MEPE: variants seen among roughly 807,000 people sequenced by gnomAD.
MEPE encodes matrix extracellular phosphoglycoprotein, also known as matrix, extracellular phosphoglycoprotein with ASARM motif (bone).
In MEPE, 7 loss-of-function variants were observed where a neutral mutation model predicts 7.3. The observed-to-expected ratio is 0.95, with a 90% CI of 0.54 to 1.79. The LOEUF (loss-of-function observed/expected upper bound fraction) is 1.79, where lower values mean the gene tolerates loss of function less well. Among genes scored for constraint, MEPE ranks in the 40% most tolerant of loss-of-function variants. MEPE has a pLI of 0.00. For synonymous variants in MEPE, 214 were observed against 213.1 expected (o/e 1.00, Z -0.04); for missense variants, 623 against 628.2 (o/e 0.99, Z 0.09).
At chr4:87,828,135 T>C (rs1578051781), upstream of MEPE, among the ~76,000 whole-genome samples, 1 of 152,214 alleles carries the variant, frequency 6.6e-6, no homozygotes, top group South Asian at 2.1e-4. Context: ...TAAATACTTC[T>C]ATGAAATGCC....
At chr4:87,829,146 G>A (rs1483862245), upstream of MEPE, among the ~76,000 whole-genome samples, 1 of 152,038 alleles carries the variant, frequency 6.6e-6, no homozygotes, top group African/African-American at 2.4e-5. Flanking sequence ...TTAGGCAAAG[G>A]ATCATTCTCC....
At chr4:87,826,801 G>C (rs1054344591) in intron 1 of MEPE, among the ~76,000 whole-genome samples, 1 of 152,090 alleles carries the variant, frequency 6.6e-6, no homozygotes, top group Non-Finnish European at 1.5e-5. Flanking sequence ...CTTTTCTAAA[G>C]TGTCTAATTA....
At chr4:87,825,187 T>A (rs2109987832) in intron 1 of MEPE, among the ~76,000 whole-genome samples, 1 of 152,330 alleles carries the variant, frequency 6.6e-6, no homozygotes, top group African/African-American at 2.4e-5. Context: ...GGTAACTTTT[T>A]CACTATACTG....
In MEPE at chr4:87,838,681, A is replaced by G; in HGVS notation, c.104A>G (p.Gln35Arg). 1.9e-6 allele frequency: 3 copies of G among 1,613,138 alleles called. No individual in the cohort carries two copies. Among genetic ancestry groups the G allele is most frequent in the Non-Finnish European group, 2.5e-6 (3 of 1,179,260 alleles). The part of the protein sequence containing the change: ...EKTKQSCVEE[Q>R]RQEEKNKDNI... ...ACTAAGCAAAGCTGTGTGGAAGAGC[A>G]GAGGGTAAACAGAATTCATCTTTTC... The change falls in exon 3 of 4, where the codon CAG becomes CGG. Residue 35 changes from glutamine (Q) to arginine (R), a missense_variant. Coordinates refer to ENST00000361056, the MANE Select transcript of MEPE (RefSeq NM_020203.6).
intron 1 of MEPE, among the ~76,000 whole-genome samples, chr4:87,827,662 G>A (rs1016254814): frequency 1.3e-5 from 2 of 152,200 alleles, no homozygotes; most frequent in African/African-American, 4.8e-5. Flanking sequence ...GAAAGGGCTA[G>A]CATCATTATA....
Position 87,845,438 on chromosome 4 carries a change from C to T in MEPE, c.570C>T (p.His190=). Residue 190 remains histidine, a synonymous_variant, in exon 4 of 4, where the codon CAC becomes CAT. Coordinates refer to ENST00000361056, the MANE Select transcript of MEPE (RefSeq NM_020203.6). The part of the protein sequence containing the change: ...IPASMNYAKA[H]SKDKKKPQRD... ...CAAGTATGAATTATGCTAAAGCACA[C>T]TCGAAGGATAAAAAGAAGCCTCAAA... 2 of 1,613,936 alleles carry T rather than the reference C, an allele frequency of 1.2e-6. No individual in the cohort carries two copies. Among genetic ancestry groups the T allele is most frequent in the South Asian group, 1.1e-5 (1 of 91,080 alleles).
chr4:87,822,107 T>C (rs1048626174), intron 1 of MEPE, among the ~76,000 whole-genome samples: 16 of 152,320 alleles, frequency 1.1e-4, no homozygotes, highest in Admixed American at 1.3e-4. Flanking sequence ...CTCACCCGAC[T>C]TTCCCGCCAA....
Position 87,839,993 on chromosome 4 carries a change from C to T in MEPE, c.108+1308C>T, listed in dbSNP as rs549240621. 255 of 1,535,488 alleles carry T rather than the reference C, an allele frequency of 1.7e-4. 1 individual carries two copies. In the African/African-American group the frequency reaches 1.7e-3, roughly 10 times the overall value. The stretch of plus-strand genomic sequence containing the variant: ...TCTTCCTGATCCCCATCCCATGCCT[C>T]GGCCCACATCTCGCTCTGCTTCAGG... On this transcript the variant is annotated intron_variant, in intron 3 of 3. Coordinates refer to ENST00000361056, the MANE Select transcript of MEPE (RefSeq NM_020203.6).
intron 2 of MEPE, among the ~76,000 whole-genome samples, chr4:87,836,950 T>C (rs994751251): frequency 8.5e-5 from 13 of 152,234 alleles, no homozygotes; most frequent in African/African-American, 2.9e-4. Flanking sequence ...TGATAAACTA[T>C]TGTTATTTTC....
rs757300640 is a variant in MEPE, at chr4:87,845,039, G to A, written c.171G>A (p.Glu57=). Residue 57 remains glutamate (E), a synonymous_variant, in exon 4 of 4, where the codon GAG becomes GAA. Coordinates refer to ENST00000361056, the MANE Select transcript of MEPE (RefSeq NM_020203.6). Reference sequence around the variant, plus strand: ...ATTTGGGCAAGAGAATAAATCAAGAGCTATCATCTAAAGAAAATATTGTCC... The same window carrying A: ...ATTTGGGCAAGAGAATAAATCAAGAACTATCATCTAAAGAAAATATTGTCC... ...FHHLGKRINQ[E]LSSKENIVQE... 8 of 1,610,810 alleles carry A rather than the reference G, an allele frequency of 5.0e-6. No individual in the cohort carries two copies. The highest frequency in any genetic ancestry group is 5.1e-6 in the Non-Finnish European group (6 of 1,178,980).
chr4:87,837,579 G>A lies in MEPE; in HGVS notation c.55-1053G>A, dbSNP rs1177605584. ...AGGAAGAACACTTTCCAGGTAAATAGGACAGCTGGCCTAGGCGGCCCTCTT... is the reference window on the plus strand; with the variant it reads ...AGGAAGAACACTTTCCAGGTAAATAAGACAGCTGGCCTAGGCGGCCCTCTT... On this transcript the variant is annotated intron_variant, in intron 2 of 3. Coordinates refer to ENST00000361056, the MANE Select transcript of MEPE (RefSeq NM_020203.6). The A allele has an allele frequency of 2.0e-5, 3 of 152,228 alleles. No homozygotes were observed. In the East Asian group the frequency reaches 5.8e-4, roughly 29 times the overall value. The allele number at this position is 152,228 out of a possible 1,614,324, so 9.4% of individuals were successfully genotyped here.
At chr4:87,824,947 A>G (rs1212803351) in intron 1 of MEPE, among the ~76,000 whole-genome samples, 1 of 152,174 alleles carries the variant, frequency 6.6e-6, no homozygotes, top group African/African-American at 2.4e-5. Context: ...TCCCAGGCTC[A>G]GGTGATCCTC....
chr4:87,845,890 T>G lies in MEPE; in HGVS notation c.1022T>G (p.Ile341Ser). Residue 341 changes from isoleucine to serine, a missense_variant, in exon 4 of 4, where the codon ATC becomes AGC. Transcript: ENST00000361056. ...AGCCTTGTAGAGGGCAGCAACGATA[T>G]CATGGGTAGTACCAATTTTAAGGAG... ...DVSLVEGSND[I>S]MGSTNFKELP... 6.2e-7 allele frequency: 1 copy of G among 1,613,990 alleles called. No individual in the cohort carries two copies. Among genetic ancestry groups the G allele is most frequent in the Non-Finnish European group, 8.5e-7 (1 of 1,179,968 alleles).
In MEPE at chr4:87,839,723, T is replaced by C. The variant is rs939960335; in HGVS notation, c.108+1038T>C. 8.4e-6 allele frequency: 13 copies of C among 1,550,178 alleles called. No individual in the cohort carries two copies. The Admixed American group carries it at 9.8e-5, about 12-fold the overall frequency. Reference sequence around the variant, plus strand: ...GTCACTATGAGAAACATGGGCATTATGTTTTTAAGTGTGTTTACATGTCAC... The same window carrying C: ...GTCACTATGAGAAACATGGGCATTACGTTTTTAAGTGTGTTTACATGTCAC... On this transcript the variant is annotated intron_variant, in intron 3 of 3. Transcript: ENST00000361056.
chr4:87,844,000 T>C (rs1259444754), intron 3 of MEPE, among the ~76,000 whole-genome samples: 2 of 152,182 alleles, frequency 1.3e-5, no homozygotes, highest in African/African-American at 2.4e-5. Flanking sequence ...CTTAGTATAG[T>C]CTTGACTAGG....
At chr4:87,836,911 TAA>T (rs1247362164) in intron 2 of MEPE, among the ~76,000 whole-genome samples, 1 of 152,214 alleles carries the variant, frequency 6.6e-6, no homozygotes, top group Non-Finnish European at 1.5e-5. Context: ...TTACAAACTA[TAA>T]AGAGTCCTAT....
At chr4:87,829,999 T>C (rs923420701), upstream of MEPE, among the ~76,000 whole-genome samples, 1 of 151,886 alleles carries the variant, frequency 6.6e-6, no homozygotes, top group Non-Finnish European at 1.5e-5. Flanking sequence ...AAACAGGTGG[T>C]AGAGTCAGGA....
chr4:87,829,241 T>C (rs1722542454), upstream of MEPE, among the ~76,000 whole-genome samples: 1 of 152,074 alleles, frequency 6.6e-6, no homozygotes, highest in Non-Finnish European at 1.5e-5. Context: ...CAATTGTAGG[T>C]TCTAAATTTA....
At chr4:87,839,951 A>G in intron 3 of MEPE, 1 of 1,535,450 alleles carries the variant, frequency 6.5e-7, no homozygotes, top group Non-Finnish European at 8.7e-7. Context: ...TCTACTACAA[A>G]ACTCTGGGTC....
Sources: allele counts gnomAD v4.1 joint callset (sites outside exome capture counted in the v4.1 genomes callset), GRCh38; gene constraint gnomAD v4.1.1; transcripts MANE v1.5; gene names NCBI Gene and HGNC (gene_info 2026-07-23, HGNC 2026-07-21).